Variants in PLXDC2 observed in about 807,000 individuals in gnomAD.
The protein encoded by PLXDC2 is plexin domain-containing protein 2.
Under a neutral mutation model 68.9 loss-of-function variants are expected in PLXDC2, and 40 were observed. The ratio of observed to expected loss-of-function variants is 0.58; its 90% confidence interval spans 0.45 to 0.76. PLXDC2 has a LOEUF of 0.76. Ranked by LOEUF, PLXDC2 falls within the 30% of genes least tolerant of loss-of-function variation. PLXDC2 has a pLI of 0.00. For missense variants in PLXDC2, 644 were observed against 661.9 expected, an observed-to-expected ratio of 0.97 and a Z score of 0.30; for synonymous variants, 243 against 234.2, an observed-to-expected ratio of 1.04 and a Z score of -0.34.
chr10:19,974,632 T>C (rs1304849653), intron 1 of PLXDC2, among the ~76,000 whole-genome samples: 1 of 152,222 alleles, frequency 6.6e-6, no homozygotes, highest in African/African-American at 2.4e-5. Flanking sequence ...TTCCAAATCC[T>C]GTGGTCTTCT....
intron 1 of PLXDC2, among the ~76,000 whole-genome samples, chr10:19,825,539 G>A (rs61191149): frequency 0.022 from 3,422 of 152,144 alleles, 103 homozygotes; most frequent in African/African-American, 0.077. Context: ...TGTTTTTTGG[G>A]TAGTAGTTAC....
intron 3 of PLXDC2, among the ~76,000 whole-genome samples, chr10:20,049,989 C>A (rs1835864004): frequency 6.6e-6 from 1 of 152,244 alleles, no homozygotes; most frequent in East Asian, 1.9e-4. Flanking sequence ...ACCAAAACAG[C>A]ATGTTACTGG....
At chr10:19,896,453 T>G (rs1035307575) in intron 1 of PLXDC2, among the ~76,000 whole-genome samples, 42 of 152,354 alleles carry the variant, frequency 2.8e-4, no homozygotes, top group South Asian at 4.1e-4. Context: ...TGGTTATTTT[T>G]GGGATTGAAT....
intron 4 of PLXDC2, among the ~76,000 whole-genome samples, chr10:20,093,799 A>G (rs1833312861): frequency 6.6e-6 from 1 of 152,074 alleles, no homozygotes; most frequent in Non-Finnish European, 1.5e-5. Flanking sequence ...ATAGCCTGCC[A>G]AGTAGCTGGG....
intron 4 of PLXDC2, among the ~76,000 whole-genome samples, chr10:20,069,757 G>A (rs1836285320): frequency 6.6e-6 from 1 of 152,198 alleles, no homozygotes; most frequent in Admixed American, 6.5e-5. Context: ...CTTGAGGCCA[G>A]GAGTTTGAGG....
chr10:20,249,582 C>T (rs1835644324), intron 13 of PLXDC2, among the ~76,000 whole-genome samples: 2 of 152,156 alleles, frequency 1.3e-5, no homozygotes, highest in Non-Finnish European at 2.9e-5. Context: ...GTTGACCCTC[C>T]AGCCTCCTTT....
At chr10:20,089,594 A>G (rs1268518940) in intron 4 of PLXDC2, among the ~76,000 whole-genome samples, 1 of 152,218 alleles carries the variant, frequency 6.6e-6, no homozygotes, top group African/African-American at 2.4e-5. Flanking sequence ...TGAAAGTTTT[A>G]TGGAGAAAAT....
At chr10:19,927,923 A>T (rs1833565562) in intron 1 of PLXDC2, among the ~76,000 whole-genome samples, 1 of 152,050 alleles carries the variant, frequency 6.6e-6, no homozygotes, top group East Asian at 1.9e-4. Flanking sequence ...TGTACCCAAT[A>T]GGTAGTTTTT....
chr10:20,130,537 A>C (rs1159743797), intron 4 of PLXDC2, among the ~76,000 whole-genome samples: 1 of 152,102 alleles, frequency 6.6e-6, no homozygotes. Context: ...ATTATATTGA[A>C]TAGAAGTGGC....
At chr10:19,926,470 C>T (rs1279657657) in intron 1 of PLXDC2, among the ~76,000 whole-genome samples, 2 of 152,020 alleles carry the variant, frequency 1.3e-5, no homozygotes, top group African/African-American at 4.8e-5. Flanking sequence ...CGTCAGCAGG[C>T]GGAAATTCAC....
rs1057331757 is a variant in PLXDC2, at chr10:19,940,884, A to G, written c.113-60891A>G. Among the ~76,000 whole-genome samples the G allele has an allele frequency of 6.6e-5, 10 of 152,316 alleles. 1 individual carries two copies. In the Middle Eastern group the frequency reaches 0.02, roughly 311 times the overall value. On this transcript the variant is annotated intron_variant, in intron 1 of 13. Coordinates refer to ENST00000377252, the MANE Select transcript of PLXDC2 (RefSeq NM_032812.9). ...GCTGTGGGGTGTGTTTAACATTTAA[A>G]TAATTATCTTGTTTGGTTTCTGAAG...
At chr10:20,244,310 A>G (rs897259701) in intron 12 of PLXDC2, among the ~76,000 whole-genome samples, 1 of 152,200 alleles carries the variant, frequency 6.6e-6, no homozygotes, top group Non-Finnish European at 1.5e-5. Context: ...GATTAGTTGT[A>G]TTTGGCTGGT....
intron 1 of PLXDC2, among the ~76,000 whole-genome samples, chr10:19,828,562 C>T (rs1022226780): frequency 6.6e-6 from 1 of 152,090 alleles, no homozygotes; most frequent in Non-Finnish European, 1.5e-5. Context: ...GGTTGTTTAG[C>T]CTTCTTTATC....
intron 2 of PLXDC2, among the ~76,000 whole-genome samples, chr10:20,015,700 G>C (rs1234352610): frequency 6.6e-6 from 1 of 152,034 alleles, no homozygotes; most frequent in Non-Finnish European, 1.5e-5. Context: ...AAAAAACACA[G>C]AGATCAGAAA....
At chr10:20,161,040 C>T (rs2358853) in intron 6 of PLXDC2, among the ~76,000 whole-genome samples, 34,355 of 152,074 alleles carry the variant, frequency 0.23, 4,715 homozygotes, top group East Asian at 0.49. Context: ...AGCAATACTA[C>T]CTCATTTTAT....
chr10:20,053,070 C>T (rs1835932793), intron 3 of PLXDC2, among the ~76,000 whole-genome samples: 1 of 152,040 alleles, frequency 6.6e-6, no homozygotes, highest in Non-Finnish European at 1.5e-5. Flanking sequence ...CCTTTTCTTC[C>T]ATCCACAATA....
intron 12 of PLXDC2, among the ~76,000 whole-genome samples, chr10:20,241,630 T>G (rs1835517301): frequency 6.6e-6 from 1 of 151,958 alleles, no homozygotes; most frequent in Non-Finnish European, 1.5e-5. Flanking sequence ...TACAAAAAAA[T>G]TAACCAGGCA....
At chr10:19,949,730 A>C (rs1833963665) in intron 1 of PLXDC2, among the ~76,000 whole-genome samples, 1 of 152,308 alleles carries the variant, frequency 6.6e-6, no homozygotes, top group Non-Finnish European at 1.5e-5. Context: ...AGAAAATAGC[A>C]ATGTGATAAT....
intron 2 of PLXDC2, among the ~76,000 whole-genome samples, chr10:20,039,402 C>T (rs1293803565): frequency 6.6e-6 from 1 of 152,074 alleles, no homozygotes; most frequent in Admixed American, 6.6e-5. Flanking sequence ...CACTCTACAG[C>T]AGTTAAGTTA....
Sources: gnomAD v4.1 joint callset for allele counts (sites outside exome capture counted in the v4.1 genomes callset) on GRCh38, gnomAD v4.1.1 for gene constraint, MANE v1.5 for transcripts, NCBI Gene and HGNC (gene_info 2026-07-23, HGNC 2026-07-21) for gene names.